ST6GALNAC3: variants seen among roughly 807,000 people sequenced by gnomAD.
The protein encoded by ST6GALNAC3 is alpha-N-acetylgalactosaminide alpha-2,6-sialyltransferase 3.
In ST6GALNAC3, 25 loss-of-function variants were observed where a neutral mutation model predicts 32.7. The observed-to-expected ratio is 0.76, with a 90% CI of 0.56 to 1.07. The LOEUF is 1.07. ST6GALNAC3 is among the 50% of genes least tolerant of loss of function. The pLI is 0.00. For missense variants in ST6GALNAC3, 355 were observed against 382.4 expected (o/e 0.93, Z 0.60); for synonymous variants, 129 against 133.1 (o/e 0.97, Z 0.21).
intron 1 of ST6GALNAC3, among the ~76,000 whole-genome samples, chr1:76,203,406 T>C (rs1451977759): frequency 6.6e-6 from 1 of 152,178 alleles, no homozygotes; most frequent in Non-Finnish European, 1.5e-5. Context: ...TAGTCTGCGG[T>C]TGGTAAGTTT....
chr1:76,118,024 A>G (rs921677163), intron 1 of ST6GALNAC3, among the ~76,000 whole-genome samples: 3 of 152,160 alleles, frequency 2.0e-5, no homozygotes, highest in African/African-American at 7.2e-5. Flanking sequence ...CAGAATGTGC[A>G]GGTTTATTAC....
chr1:76,375,101 G>T (rs1651119315), intron 2 of ST6GALNAC3, among the ~76,000 whole-genome samples: 1 of 152,094 alleles, frequency 6.6e-6, no homozygotes, highest in Non-Finnish European at 1.5e-5. Context: ...AGAGAAAAGG[G>T]ACAGAGATCA....
intron 1 of ST6GALNAC3, among the ~76,000 whole-genome samples, chr1:76,187,683 G>T (rs1350022150): frequency 6.6e-6 from 1 of 152,064 alleles, no homozygotes; most frequent in Non-Finnish European, 1.5e-5. Flanking sequence ...AGGCATCTGA[G>T]TTATGCTGAT....
intron 1 of ST6GALNAC3, among the ~76,000 whole-genome samples, chr1:76,090,759 T>A (rs969954886): frequency 1.3e-5 from 2 of 152,232 alleles, no homozygotes; most frequent in Non-Finnish European, 2.9e-5. Context: ...AAGTACTTTA[T>A]GGCTAAAGCT....
chr1:76,449,292 C>G (rs1657214329), intron 3 of ST6GALNAC3, among the ~76,000 whole-genome samples: 1 of 152,166 alleles, frequency 6.6e-6, no homozygotes, highest in Non-Finnish European at 1.5e-5. Context: ...ATTCTATTTT[C>G]TGAATATGAC....
At chr1:76,214,057 G>T (rs1655324534) in intron 1 of ST6GALNAC3, among the ~76,000 whole-genome samples, 2 of 152,058 alleles carry the variant, frequency 1.3e-5, no homozygotes, top group Admixed American at 6.6e-5. Flanking sequence ...AGTCTATAAG[G>T]TTTTATTTTT....
At chr1:76,290,502 C>T (rs772154362) in intron 1 of ST6GALNAC3, among the ~76,000 whole-genome samples, 12 of 152,114 alleles carry the variant, frequency 7.9e-5, no homozygotes, top group African/African-American at 1.2e-4. Context: ...TTTTTAACCA[C>T]AGCTACGAAT....
At chr1:76,194,499 C>A (rs992696582) in intron 1 of ST6GALNAC3, among the ~76,000 whole-genome samples, 2 of 150,414 alleles carry the variant, frequency 1.3e-5, no homozygotes, top group African/African-American at 4.9e-5. Context: ...TAATAATAAA[C>A]CCATTACATG....
At chr1:76,351,027 TA>T (rs1157806223) in intron 2 of ST6GALNAC3, among the ~76,000 whole-genome samples, 2 of 152,202 alleles carry the variant, frequency 1.3e-5, no homozygotes, top group Non-Finnish European at 2.9e-5. Flanking sequence ...TGTTAAGAAG[TA>T]AGCCAGATTT....
At chr1:76,325,392 C>T (rs1647048605) in intron 2 of ST6GALNAC3, among the ~76,000 whole-genome samples, 1 of 152,106 alleles carries the variant, frequency 6.6e-6, no homozygotes, top group Non-Finnish European at 1.5e-5. Context: ...GTGTGGCTTT[C>T]TAATCTCTTT....
chr1:76,490,840 TTTTTTTTC>T (rs1257767846), intron 3 of ST6GALNAC3, among the ~76,000 whole-genome samples: 1 of 146,160 alleles, frequency 6.8e-6, no homozygotes, highest in Non-Finnish European at 1.5e-5. Context: ...ATTTAGTTTC[TTTTTTTTC>T]TTTTTTTCTT....
At chr1:76,588,750 G>C (rs1647001565) in intron 3 of ST6GALNAC3, among the ~76,000 whole-genome samples, 1 of 152,208 alleles carries the variant, frequency 6.6e-6, no homozygotes, top group African/African-American at 2.4e-5. Context: ...GCAGGAAGAA[G>C]CTGTGTCTTC....
At chr1:76,322,179 G>T (rs1646979370) in intron 2 of ST6GALNAC3, among the ~76,000 whole-genome samples, 1 of 152,148 alleles carries the variant, frequency 6.6e-6, no homozygotes, top group South Asian at 2.1e-4. Context: ...TGATTTGAGG[G>T]TTGAAAAAGA....
At position 76,509,644 on chromosome 1, in the gene ST6GALNAC3, T is replaced by C. The variant is rs151094453; in HGVS notation, c.623+97227T>C. Among the ~76,000 whole-genome samples the C allele has an allele frequency of 6.6e-6, 1 of 152,320 alleles. No homozygotes were observed. Among genetic ancestry groups the C allele is most frequent in the Non-Finnish European group, 1.5e-5 (1 of 68,026 alleles). On this transcript the variant is annotated intron_variant, in intron 3 of 4. Transcript: ENST00000328299. This position sits in a 1 kb window ranked among gnomAD's most constrained non-coding sequence, Gnocchi z 5.5. ...AAAGTTATTTTATACAGTTCGAAGT[T>C]AGAAGTCTAAAATGGGTTGTTAGGG...
intron 3 of ST6GALNAC3, among the ~76,000 whole-genome samples, chr1:76,444,993 A>G (rs1489777214): frequency 6.6e-6 from 1 of 152,230 alleles, no homozygotes; most frequent in Non-Finnish European, 1.5e-5. Flanking sequence ...GTCTGAAATA[A>G]CCAGTACTGA....
intron 3 of ST6GALNAC3, among the ~76,000 whole-genome samples, chr1:76,524,928 A>G (rs1391452170): frequency 1.3e-5 from 2 of 152,016 alleles, no homozygotes; most frequent in Non-Finnish European, 2.9e-5. Context: ...CCTAACATTT[A>G]TATTTCCCTT....
rs115688247 is a variant in ST6GALNAC3, at chr1:76,481,653, T to C, written c.623+69236T>C. Among the ~76,000 whole-genome samples the C allele has an allele frequency of 2.1e-3, 321 of 152,306 alleles. 2 individuals are homozygous for C. Among genetic ancestry groups the C allele is most frequent in the African/African-American group, 7.5e-3 (311 of 41,584 alleles). ...CATGCATTTAAGACTTTAACAATCATAGTTCATCAGCACTATGTGTTCTTT... is the reference window on the plus strand; with the variant it reads ...CATGCATTTAAGACTTTAACAATCACAGTTCATCAGCACTATGTGTTCTTT... On this transcript the variant is annotated intron_variant, in intron 3 of 4. Coordinates refer to ENST00000328299, the MANE Select transcript of ST6GALNAC3 (RefSeq NM_152996.4).
intron 2 of ST6GALNAC3, among the ~76,000 whole-genome samples, chr1:76,331,709 A>C (rs1647189942): frequency 6.6e-6 from 1 of 152,210 alleles, no homozygotes; most frequent in Admixed American, 6.5e-5. Context: ...AGTTTGCTCT[A>C]ATGAGCTTAT....
At chr1:76,264,308 A>G (rs1279653952) in intron 1 of ST6GALNAC3, among the ~76,000 whole-genome samples, 6 of 152,170 alleles carry the variant, frequency 3.9e-5, no homozygotes, top group Non-Finnish European at 2.9e-5. Context: ...TAATGAACCT[A>G]TCTGTCTATC....
Sources: gnomAD v4.1 joint callset for allele counts (sites outside exome capture counted in the v4.1 genomes callset) on GRCh38, gnomAD v4.1.1 for gene constraint, Gnocchi (gnomAD v3.1) non-coding constraint, MANE v1.5 for transcripts, NCBI Gene and HGNC (gene_info 2026-07-23, HGNC 2026-07-21) for gene names.